Variants in CTNNA1 observed in about 807,000 individuals in gnomAD.
CTNNA1 encodes catenin alpha 1.
In CTNNA1, 37 loss-of-function variants were observed where a neutral mutation model predicts 98.4. The ratio of observed to expected loss-of-function variants is 0.38; its 90% CI spans 0.29 to 0.49. CTNNA1 has a LOEUF of 0.49. Among genes scored for constraint, CTNNA1 ranks in the 20% least tolerant of loss-of-function variants. CTNNA1 has a pLI of 0.95. For synonymous variants in CTNNA1, 404 were observed against 413.2 expected (o/e 0.98, Z 0.27); for missense variants, 761 against 1,147.2 (o/e 0.66, Z 4.86).
chr5:138,890,145 TGA>T (rs1374555594), intron 9 of CTNNA1, among the ~76,000 whole-genome samples: 1 of 152,146 alleles, frequency 6.6e-6, no homozygotes, highest in Non-Finnish European at 1.5e-5. Context: ...GTAAGGGAAG[TGA>T]GAGTGCTATA....
At chr5:138,839,960 T>C (rs2149814331) in intron 7 of CTNNA1, among the ~76,000 whole-genome samples, 1 of 152,314 alleles carries the variant, frequency 6.6e-6, no homozygotes, top group East Asian at 1.9e-4. Flanking sequence ...GATACTTCCA[T>C]AGAATAGAAC....
intron 12 of CTNNA1, 37 bp downstream of exon 12, chr5:138,924,747 C>T (rs963721158): frequency 1.3e-5 from 20 of 1,529,470 alleles, no homozygotes; most frequent in Non-Finnish European, 1.6e-5. Flanking sequence ...TCGCACACAC[C>T]GCAGCCTCAG....
chr5:138,825,293 A>G (rs897571067), intron 6 of CTNNA1, among the ~76,000 whole-genome samples: 5 of 152,178 alleles, frequency 3.3e-5, no homozygotes, highest in African/African-American at 1.2e-4. Flanking sequence ...ATGAACAGAA[A>G]TTTAATCAAG....
chr5:138,801,957 T>C (rs978502104), intron 3 of CTNNA1, among the ~76,000 whole-genome samples: 1 of 152,194 alleles, frequency 6.6e-6, no homozygotes, highest in African/African-American at 2.4e-5. Flanking sequence ...GGAATGTGGT[T>C]GTGATGTCCA....
chr5:138,782,433 A>G (rs1042683902), intron 2 of CTNNA1: 1 of 378,584 alleles, frequency 2.6e-6, no homozygotes, highest in African/African-American at 2.1e-5. Flanking sequence ...TAGGTTTGGT[A>G]TGCTACAAAT....
intron 16 of CTNNA1, chr5:138,931,543 A>C (rs980736888): frequency 6.9e-5 from 66 of 959,402 alleles, no homozygotes; most frequent in Non-Finnish European, 7.9e-5. Flanking sequence ...CAAGCCAAAG[A>C]TTGTAAAGGC....
intron 7 of CTNNA1, among the ~76,000 whole-genome samples, chr5:138,853,168 A>G (rs1286076723): frequency 6.0e-5 from 9 of 149,816 alleles, no homozygotes; most frequent in African/African-American, 1.7e-4. Flanking sequence ...TTTTGTCTCG[A>G]ACTCCTGACC....
intron 5 of CTNNA1, among the ~76,000 whole-genome samples, chr5:138,813,495 G>A (rs892885275): frequency 2.6e-4 from 40 of 152,342 alleles, no homozygotes; most frequent in Middle Eastern, 3.4e-3. Context: ...AGAAACACCC[G>A]ACAAAAGGTC....
intron 1 of CTNNA1, among the ~76,000 whole-genome samples, chr5:138,774,225 A>G (rs542310631): frequency 2.0e-5 from 3 of 151,480 alleles, no homozygotes; most frequent in African/African-American, 4.9e-5. Context: ...AGGTCTCGCT[A>G]TGTTGCCCAG....
intron 10 of CTNNA1, among the ~76,000 whole-genome samples, chr5:138,909,984 T>C (rs1416409101): frequency 6.6e-6 from 1 of 152,196 alleles, no homozygotes; most frequent in Admixed American, 6.5e-5. Flanking sequence ...TCCACTTTGG[T>C]ATTCTCTAAT....
intron 1 of CTNNA1, among the ~76,000 whole-genome samples, chr5:138,777,920 A>C (rs1436777642): frequency 2.4e-5 from 1 of 41,548 alleles, no homozygotes; most frequent in Admixed American, 4.0e-4. Flanking sequence ...GGAGAGGGGG[A>C]GGAGGGAGAG....
At chr5:138,932,183 A>G (rs1464696666) in intron 16 of CTNNA1, 1 of 1,012,754 alleles carries the variant, frequency 9.9e-7, no homozygotes, top group African/African-American at 1.7e-5. Flanking sequence ...ACTTTTCTCC[A>G]TAGCCAGGCT....
intron 10 of CTNNA1, among the ~76,000 whole-genome samples, chr5:138,915,103 C>T (rs1007550006): frequency 1.3e-5 from 2 of 151,988 alleles, no homozygotes; most frequent in South Asian, 2.1e-4. Context: ...GCTGACATTG[C>T]GCCACTGCAC....
At chr5:138,894,564 C>T (rs1024253782) in intron 9 of CTNNA1, among the ~76,000 whole-genome samples, 7 of 152,010 alleles carry the variant, frequency 4.6e-5, no homozygotes, top group Non-Finnish European at 7.4e-5. Context: ...TGAGCCACTG[C>T]GCCTGGTCTA....
chr5:138,916,647 C>T (rs1761846739), intron 10 of CTNNA1, among the ~76,000 whole-genome samples: 1 of 152,072 alleles, frequency 6.6e-6, no homozygotes, highest in African/African-American at 2.4e-5. Flanking sequence ...TTTGGCCTCT[C>T]AAGTAGCTGG....
chr5:138,776,587 A>G (rs1043555776), intron 1 of CTNNA1, among the ~76,000 whole-genome samples: 7 of 151,620 alleles, frequency 4.6e-5, no homozygotes, highest in Non-Finnish European at 1.0e-4. Context: ...GTGGTGGCCG[A>G]GCAGAGGGGT....
At chr5:138,920,824 T>C (rs1361839510) in intron 11 of CTNNA1, among the ~76,000 whole-genome samples, 1 of 152,186 alleles carries the variant, frequency 6.6e-6, no homozygotes, top group Non-Finnish European at 1.5e-5. Flanking sequence ...TCTGCCCCAT[T>C]GGCTCCAGAA....
chr5:138,789,723 T>A (rs1310783544), intron 3 of CTNNA1, among the ~76,000 whole-genome samples: 1 of 152,150 alleles, frequency 6.6e-6, no homozygotes, highest in African/African-American at 2.4e-5. Flanking sequence ...CCTAAAGTGT[T>A]AGGATTACAG....
chr5:138,774,860 C>T lies in CTNNA1; in HGVS notation c.-2-7063C>T, dbSNP rs544715883. On this transcript the variant is annotated intron_variant, in intron 1 of 17. Coordinates refer to ENST00000302763, the MANE Select transcript of CTNNA1 (RefSeq NM_001903.5). Reference sequence around the variant, plus strand: ...TCCTGACCTCGTGATCCGCCCACCTCGGCCTCCCAAAGTGCTGGGATTACA... The same window carrying T: ...TCCTGACCTCGTGATCCGCCCACCTTGGCCTCCCAAAGTGCTGGGATTACA... Among the ~76,000 whole-genome samples the T allele has an allele frequency of 7.4e-4, 112 of 151,834 alleles. 1 individual carries two copies. The South Asian group carries it at 0.011, about 15-fold the overall frequency.
Sources: gnomAD v4.1 joint callset for allele counts (sites outside exome capture counted in the v4.1 genomes callset) on GRCh38, gnomAD v4.1.1 for gene constraint, MANE v1.5 for transcripts, NCBI Gene and HGNC (gene_info 2026-07-23, HGNC 2026-07-21) for gene names.